HEATR5B: variants seen among roughly 807,000 people sequenced by gnomAD.
HEATR5B encodes the protein HEAT repeat containing 5B.
In HEATR5B, 156 loss-of-function variants were observed where a neutral mutation model predicts 224.1. The ratio of observed to expected loss-of-function variants is 0.70; its 90% CI spans 0.61 to 0.80. The LOEUF is 0.80. Ranked by LOEUF, HEATR5B falls within the 30% of genes least tolerant of loss-of-function variation. The pLI is 0.00. For synonymous variants in HEATR5B, 1,027 were observed against 893.0 expected, an observed-to-expected ratio of 1.15 and a Z score of -2.68; for missense variants, 2,323 against 2,535.5, an observed-to-expected ratio of 0.92 and a Z score of 1.80.
chr2:36,987,850 C>T (rs761334605), intron 35 of HEATR5B, among the ~76,000 whole-genome samples: 11 of 152,078 alleles, frequency 7.2e-5, no homozygotes, highest in Non-Finnish European at 1.6e-4. Context: ...AGGTGGATCG[C>T]TTGAGTCCAG....
chr2:37,000,236 C>T (rs1667001870), intron 33 of HEATR5B, among the ~76,000 whole-genome samples: 1 of 151,962 alleles, frequency 6.6e-6, no homozygotes, highest in African/African-American at 2.4e-5. Context: ...TGCCACCATA[C>T]CCGGCTAATT....
chr2:37,050,342 A>G (rs1670458890), intron 17 of HEATR5B, among the ~76,000 whole-genome samples: 1 of 152,172 alleles, frequency 6.6e-6, no homozygotes, highest in Non-Finnish European at 1.5e-5. Flanking sequence ...CCTAAATACG[A>G]TTTCAGAACG....
At chr2:37,076,795 C>G in intron 4 of HEATR5B, 116 bp downstream of exon 4, 1 of 693,614 alleles carries the variant, frequency 1.4e-6, no homozygotes, top group Non-Finnish European at 2.5e-6. Context: ...TTTGTAATTA[C>G]CTCCTTGCTA....
intron 27 of HEATR5B, 61 bp downstream of exon 27, chr2:37,013,780 G>A (rs1667941347): frequency 1.4e-6 from 2 of 1,398,714 alleles, no homozygotes; most frequent in South Asian, 1.6e-5. Flanking sequence ...AAGAGTAGAG[G>A]AACATTTTCT....
intron 21 of HEATR5B, among the ~76,000 whole-genome samples, chr2:37,037,145 G>GAGATAGATAGATAT: frequency 1.1e-5 from 1 of 89,138 alleles, no homozygotes; most frequent in African/African-American, 3.8e-5. Flanking sequence ...CTAAAAATGT[G>GAGATAGATAGATAT]ATATATATAT....
intron 6 of HEATR5B, among the ~76,000 whole-genome samples, chr2:37,070,718 C>T (rs1011479529): frequency 1.3e-5 from 2 of 152,202 alleles, no homozygotes; most frequent in African/African-American, 4.8e-5. Flanking sequence ...TCATTCCCGC[C>T]TGAGGTGGAC....
chr2:36,981,882 C>A, intron 35 of HEATR5B, 88 bp from the exon 36 acceptor site: 1 of 948,530 alleles, frequency 1.1e-6, no homozygotes, highest in African/African-American at 1.7e-5. Context: ...GAAGACTGAA[C>A]ATAATAAAAT....
rs538071821 is a variant in HEATR5B at position 37,011,558 on chromosome 2, A to G, written c.4284+2283T>C. Reference sequence around the variant, plus strand: ...TGGGTTTTCATATTCTATCTTTGTAAGTTATAATTTTGATGTACAGAGATT... The same window carrying G: ...TGGGTTTTCATATTCTATCTTTGTAGGTTATAATTTTGATGTACAGAGATT... On this transcript the variant is annotated intron_variant, in intron 27 of 35. Transcript: ENST00000233099. 5.9e-5 allele frequency among the ~76,000 whole-genome samples: 9 copies of G among 152,300 alleles called. No individual in the cohort carries two copies. The East Asian group carries it at 1.5e-3, about 26-fold the overall frequency.
chr2:36,996,432 T>C (rs577223688), intron 33 of HEATR5B, among the ~76,000 whole-genome samples: 9 of 151,562 alleles, frequency 5.9e-5, no homozygotes, highest in Admixed American at 2.6e-4. Context: ...TTCTTTCTTT[T>C]TTTTTTTTTT....
Position 37,083,892 on chromosome 2 carries a change from C to A in HEATR5B, c.-23+377G>T, listed in dbSNP as rs578119707. Among the ~76,000 whole-genome samples the A allele has an allele frequency of 2.3e-3, 347 of 152,344 alleles. 2 individuals are homozygous for A. Among genetic ancestry groups the A allele is most frequent in the Non-Finnish European group, 3.8e-3 (258 of 68,032 alleles). On this transcript the variant is annotated intron_variant, in intron 1 of 35. Transcript: ENST00000233099. The stretch of plus-strand genomic sequence containing the variant: ...GGGACTGAGGTCAAAACACCCAGCA[C>A]AGACATCCCGAACTGCAGGTCTCCA...
At chr2:37,057,217 T>A in intron 15 of HEATR5B, 100 bp downstream of exon 15, 1 of 877,832 alleles carries the variant, frequency 1.1e-6, no homozygotes, top group African/African-American at 1.8e-5. Flanking sequence ...TAAATGGGGA[T>A]TAAACCTTTC....
intron 27 of HEATR5B, among the ~76,000 whole-genome samples, chr2:37,010,516 A>G (rs1667719530): frequency 7.5e-6 from 1 of 133,476 alleles, no homozygotes; most frequent in African/African-American, 2.7e-5. Flanking sequence ...TTGTTATTAC[A>G]CTGTTTTTTT....
chr2:37,050,827 C>A (rs1209141616), intron 17 of HEATR5B, among the ~76,000 whole-genome samples: 1 of 152,134 alleles, frequency 6.6e-6, no homozygotes, highest in East Asian at 1.9e-4. Context: ...ATCATGACAT[C>A]AGGAGATCAA....
intron 17 of HEATR5B, among the ~76,000 whole-genome samples, chr2:37,051,266 G>T (rs1046399659): frequency 7.4e-6 from 1 of 135,780 alleles, no homozygotes; most frequent in Non-Finnish European, 1.5e-5. Context: ...TGAGGCAGGA[G>T]AATCGCTTGA....
chr2:37,055,736 T>C (rs1281639447), intron 16 of HEATR5B, among the ~76,000 whole-genome samples: 2 of 152,220 alleles, frequency 1.3e-5, no homozygotes, highest in Admixed American at 6.5e-5. Flanking sequence ...AGCGCTGGGA[T>C]TGCAGACATA....
chr2:37,036,551 G>A (rs1669488405), intron 21 of HEATR5B, among the ~76,000 whole-genome samples: 1 of 149,576 alleles, frequency 6.7e-6, no homozygotes, highest in Non-Finnish European at 1.5e-5. Flanking sequence ...CACTTTTCTC[G>A]CCCAGGTTGG....
At chr2:37,080,416 G>C (rs1672482692) in intron 2 of HEATR5B, among the ~76,000 whole-genome samples, 1 of 152,210 alleles carries the variant, frequency 6.6e-6, no homozygotes, top group South Asian at 2.1e-4. Context: ...ATCCAGATGA[G>C]AGATAATAGC....
In HEATR5B at chr2:37,020,649, T is replaced by C; in HGVS notation, c.4035+6A>G. 1.3e-6 allele frequency: 2 copies of C among 1,520,480 alleles called. No homozygotes were observed. Among genetic ancestry groups the C allele is most frequent in the East Asian group, 2.4e-5 (1 of 42,142 alleles). 94.2% of individuals were successfully genotyped at this position (1,520,480 alleles called of 1,614,324 possible). A position where few individuals can be genotyped will look rare whatever the true frequency, so the allele number is the denominator to read the frequency against. ...TTTAAGTTCTTAAATAAATAGAAAA[T>C]CTCACATTAGCCTGATACTGCTCCA... On this transcript the variant is annotated splice_donor_region_variant and intron_variant, in intron 25 of 35. Coordinates refer to ENST00000233099, the MANE Select transcript of HEATR5B (RefSeq NM_019024.3).
chr2:37,005,513 T>A, intron 30 of HEATR5B, 119 bp downstream of exon 30: 1 of 861,568 alleles, frequency 1.2e-6, no homozygotes, highest in Non-Finnish European at 1.8e-6. Context: ...AGGGAGTCAG[T>A]GTATTCATAT....
Sources: allele counts gnomAD v4.1 joint callset (sites outside exome capture counted in the v4.1 genomes callset), GRCh38; gene constraint gnomAD v4.1.1; transcripts MANE v1.5; gene names NCBI Gene and HGNC (gene_info 2026-07-23, HGNC 2026-07-21).